PKHD1: variants seen among roughly 807,000 people sequenced by gnomAD.
PKHD1 encodes the protein PKHD1 ciliary IPT domain containing fibrocystin/polyductin, also known as fibrocystin.
PKHD1 carries 291 observed loss-of-function variants against 412.0 expected under a neutral mutation model. The ratio of observed to expected loss-of-function variants is 0.71; its 90% CI spans 0.64 to 0.78. PKHD1 has a LOEUF of 0.78. PKHD1 is among the 30% of genes least tolerant of loss of function. The pLI, the probability that PKHD1 is intolerant of heterozygous loss-of-function variation, is 0.00. For missense variants in PKHD1, 4,825 were observed against 4,950.7 expected (o/e 0.97, Z 0.76); for synonymous variants, 1,777 against 1,821.5 (o/e 0.98, Z 0.62).
intron 55 of PKHD1, among the ~76,000 whole-genome samples, chr6:51,768,260 T>C (rs1031856644): frequency 2.0e-5 from 3 of 151,890 alleles, no homozygotes; most frequent in African/African-American, 4.8e-5. Context: ...CAAGTGTTTA[T>C]TATTCCAAAG....
chr6:51,783,371 TTTA>T (rs1298227284), intron 53 of PKHD1, among the ~76,000 whole-genome samples: 1 of 55,816 alleles, frequency 1.8e-5, no homozygotes, highest in Non-Finnish European at 4.5e-5. Context: ...ATTATATAAA[TTTA>T]TTATTTTATA....
Position 52,025,660 on chromosome 6 carries a change from G to A in PKHD1, c.4150C>T (p.Gln1384Ter). Residue 1384 changes from glutamine to a stop codon, truncating the protein, a stop_gained, in exon 32 of 67, where the codon CAA (glutamine) becomes TAA (stop). Coordinates refer to ENST00000371117, the MANE Select transcript of PKHD1 (RefSeq NM_138694.4). LOFTEE classifies it high-confidence loss of function. ...GFANMSVVLQQFAVMPRIMAI... is the reference protein window; with the variant it reads ...GFANMSVVLQ Reference sequence around the variant, plus strand: ...ATTATCCGAGGCATCACTGCAAATTGCTGGAGCACCACAGACATATTAGCA... The same window carrying A: ...ATTATCCGAGGCATCACTGCAAATTACTGGAGCACCACAGACATATTAGCA... 1 of 1,614,186 alleles carries A rather than the reference G, an allele frequency of 6.2e-7. No individual in the cohort carries two copies. The highest frequency in any genetic ancestry group is 1.1e-5 in the South Asian group (1 of 91,086).
chr6:51,649,153 G>T lies in PKHD1; in HGVS notation c.11242C>A (p.Gln3748Lys). 1 of 1,612,606 alleles carries T rather than the reference G, an allele frequency of 6.2e-7. No homozygotes were observed. Among genetic ancestry groups the T allele is most frequent in the Non-Finnish European group, 8.5e-7 (1 of 1,178,696 alleles). The stretch of plus-strand genomic sequence containing the variant: ...TTTCCCACTTCTCCATCTGAAGGCT[G>T]GACTAGGATGGAAAGTGCATAGGGC... ...IRPYALSILV[Q>K]PSDGEVGNEL... Residue 3748 changes from glutamine (Q) to lysine (K), a missense_variant, in exon 62 of 67, where the codon CAG becomes AAG. By Grantham distance (53) the Gln-to-Lys change is moderately conservative. Coordinates refer to ENST00000371117, the MANE Select transcript of PKHD1 (RefSeq NM_138694.4).
intron 55 of PKHD1, among the ~76,000 whole-genome samples, 198 bp from the exon 56 acceptor site, chr6:51,755,136 A>C (rs1251708226): frequency 3.3e-5 from 5 of 152,170 alleles, no homozygotes. Context: ...TCTGGCTTGA[A>C]AATGTATATG....
chr6:51,880,791 A>ATT (rs1562520540), intron 46 of PKHD1, among the ~76,000 whole-genome samples: 1 of 59,012 alleles, frequency 1.7e-5, no homozygotes, highest in Non-Finnish European at 3.0e-5. Context: ...AAAAAAAAAA[A>ATT]AAAAAAAAAA....
chr6:52,074,693 C>T (rs758329034), intron 6 of PKHD1, among the ~76,000 whole-genome samples: 3 of 152,210 alleles, frequency 2.0e-5, no homozygotes, highest in Non-Finnish European at 4.4e-5. Context: ...TAGTGAAGGA[C>T]TGCTAACCAC....
At chr6:51,630,959 G>A (rs1183873021) in intron 65 of PKHD1, among the ~76,000 whole-genome samples, 1 of 152,098 alleles carries the variant, frequency 6.6e-6, no homozygotes, top group African/African-American at 2.4e-5. Flanking sequence ...GTTGAAAGAG[G>A]AAAAGGAAGA....
intron 35 of PKHD1, among the ~76,000 whole-genome samples, chr6:52,006,717 G>A (rs1799118640): frequency 1.3e-5 from 2 of 152,018 alleles, no homozygotes; most frequent in African/African-American, 4.8e-5. Context: ...CGTAGGTTTT[G>A]GGGGAACAGA....
At chr6:51,663,022 T>TA (rs374400215) in intron 60 of PKHD1, among the ~76,000 whole-genome samples, 47 of 152,200 alleles carry the variant, frequency 3.1e-4, no homozygotes, top group African/African-American at 1.1e-3. Context: ...ACTCTAATGT[T>TA]AAGAGTTGTC....
At chr6:51,755,432 T>C (rs1786819068) in intron 55 of PKHD1, among the ~76,000 whole-genome samples, 1 of 152,136 alleles carries the variant, frequency 6.6e-6, no homozygotes, top group Non-Finnish European at 1.5e-5. Context: ...CGTAGAGGTG[T>C]CACTTACCAG....
At chr6:52,061,738 C>A (rs148055074) in intron 14 of PKHD1, among the ~76,000 whole-genome samples, 119 of 151,998 alleles carry the variant, frequency 7.8e-4, no homozygotes, top group Non-Finnish European at 1.5e-3. Context: ...AGGTCACAGA[C>A]TGACTGAAAT....
chr6:51,784,134 C>G (rs1457448476), intron 53 of PKHD1, among the ~76,000 whole-genome samples: 1 of 152,140 alleles, frequency 6.6e-6, no homozygotes. Flanking sequence ...TTAAAACATG[C>G]TATTCATATC....
intron 60 of PKHD1, among the ~76,000 whole-genome samples, chr6:51,730,119 A>G (rs1783062206): frequency 6.6e-6 from 1 of 152,182 alleles, no homozygotes; most frequent in South Asian, 2.1e-4. Flanking sequence ...AAATATTAGT[A>G]AGTTGTTTTT....
At chr6:51,919,093 A>T (rs1487705562) in intron 37 of PKHD1, among the ~76,000 whole-genome samples, 2 of 152,146 alleles carry the variant, frequency 1.3e-5, no homozygotes, top group Non-Finnish European at 2.9e-5. Context: ...GTTCACTCTC[A>T]TGATAGTTTC....
chr6:52,055,818 T>A, intron 18 of PKHD1, 89 bp from the exon 19 acceptor site: 1 of 1,402,252 alleles, frequency 7.1e-7, no homozygotes, highest in Non-Finnish European at 9.9e-7. Context: ...GATTTTAGAG[T>A]ATCTCACTTA....
chr6:52,037,496 C>A (rs1431888196), intron 27 of PKHD1, among the ~76,000 whole-genome samples: 2 of 152,004 alleles, frequency 1.3e-5, no homozygotes, highest in Admixed American at 6.6e-5. Context: ...TAAGAAAGAA[C>A]AATAACCCCA....
intron 37 of PKHD1, among the ~76,000 whole-genome samples, chr6:51,930,309 A>C (rs1311490994): frequency 3.9e-5 from 6 of 151,936 alleles, no homozygotes; most frequent in Non-Finnish European, 8.8e-5. Flanking sequence ...AAACAATCTG[A>C]ACTCCACCAG....
intron 60 of PKHD1, among the ~76,000 whole-genome samples, chr6:51,662,001 G>C (rs1171088758): frequency 6.6e-6 from 1 of 151,936 alleles, no homozygotes; most frequent in African/African-American, 2.4e-5. Flanking sequence ...TGGTTCAGAA[G>C]TAGGGCACAT....
At chr6:52,061,566 G>A (rs1404772604) in intron 14 of PKHD1, among the ~76,000 whole-genome samples, 1 of 152,030 alleles carries the variant, frequency 6.6e-6, no homozygotes, top group Non-Finnish European at 1.5e-5. Flanking sequence ...ACCCTACTTG[G>A]CTTATTCAAT....
Sources: allele counts gnomAD v4.1 joint callset (sites outside exome capture counted in the v4.1 genomes callset), GRCh38; gene constraint gnomAD v4.1.1; transcripts MANE v1.5; gene names NCBI Gene and HGNC (gene_info 2026-07-23, HGNC 2026-07-21).